POU6F2: variants seen among roughly 807,000 people sequenced by gnomAD.
POU6F2 encodes POU domain, class 6, transcription factor 2.
Under a neutral mutation model 71.3 loss-of-function variants are expected in POU6F2, and 31 were observed. The observed-to-expected ratio is 0.43, with a 90% confidence interval of 0.33 to 0.59. POU6F2 has a LOEUF of 0.59. POU6F2 is among the 20% of genes least tolerant of loss of function. The pLI is 0.04. For synonymous variants in POU6F2, 347 were observed against 355.7 expected, an observed-to-expected ratio of 0.98 and a Z score of 0.27; for missense variants, 783 against 856.8, an observed-to-expected ratio of 0.91 and a Z score of 1.07.
intron 4 of POU6F2, among the ~76,000 whole-genome samples, chr7:39,303,011 G>A (rs1045878934): frequency 3.9e-5 from 6 of 152,196 alleles, no homozygotes; most frequent in Admixed American, 2.0e-4. Flanking sequence ...TTTCTACTAA[G>A]TTCCAAAGTG....
At chr7:39,154,817 G>A (rs10273694) in intron 2 of POU6F2, among the ~76,000 whole-genome samples, 37,586 of 152,006 alleles carry the variant, frequency 0.25, 4,855 homozygotes, top group South Asian at 0.36. Flanking sequence ...CTTTCCCTTT[G>A]TTTACTGTGA....
At chr7:39,009,917 C>T (rs1297341240) in intron 1 of POU6F2, among the ~76,000 whole-genome samples, 1 of 151,602 alleles carries the variant, frequency 6.6e-6, no homozygotes, top group African/African-American at 2.4e-5. Flanking sequence ...CTGCTGGATT[C>T]GGTTTGCCAG....
Position 39,207,565 on chromosome 7 carries a change from G to A in POU6F2, c.543G>A (p.Leu181=), listed in dbSNP as rs778339901. The change falls in exon 4 of 10, where the codon CTG becomes CTA. Residue 181 remains leucine (L), a synonymous_variant. Coordinates refer to ENST00000518318, the MANE Select transcript of POU6F2 (RefSeq NM_001370959.1). ...PTANLTNIQG[L]VAAAAAGGIM... is the part of the protein sequence containing the mutation. ...CGAATCTCACCAACATCCAAGGGCT[G>A]GTGGCAGCAGCTGCAGCCGGAGGCA... 5.0e-6 allele frequency: 8 copies of A among 1,613,906 alleles called. No homozygotes were observed. The African/African-American group carries it at 8.0e-5, about 16-fold the overall frequency.
intron 6 of POU6F2, among the ~76,000 whole-genome samples, chr7:39,419,046 TGTATAC>T (rs1424719633): frequency 1.4e-5 from 2 of 144,624 alleles, no homozygotes; most frequent in Non-Finnish European, 3.0e-5. Context: ...TACATATATA[TGTATAC>T]ACATATATAC....
intron 1 of POU6F2, chr7:39,034,572 A>C (rs931095518): frequency 1.2e-5 from 4 of 342,958 alleles, no homozygotes; most frequent in Non-Finnish European, 1.9e-5. Flanking sequence ...TTGATGCTGC[A>C]GAAGGTCACT....
intron 4 of POU6F2, among the ~76,000 whole-genome samples, chr7:39,244,224 G>A (rs1488782919): frequency 6.6e-6 from 1 of 152,176 alleles, no homozygotes; most frequent in East Asian, 1.9e-4. Context: ...AGATTGTGAT[G>A]TCTTTCTGAG....
chr7:39,087,159 AATTTATTTATTTATTTATTTATTT>A (rs35190834), intron 2 of POU6F2, among the ~76,000 whole-genome samples: 5,774 of 125,704 alleles, frequency 0.046, 159 homozygotes, highest in Middle Eastern at 0.1. Flanking sequence ...TTAATTAATT[AATTTATTTATTTATTTATTTATTT>A]ATTTATTTAT....
At chr7:39,388,369 G>T (rs2115823412) in intron 5 of POU6F2, among the ~76,000 whole-genome samples, 1 of 152,218 alleles carries the variant, frequency 6.6e-6, no homozygotes, top group African/African-American at 2.4e-5. Flanking sequence ...AGGCTGGAGT[G>T]CAATGACACA....
At chr7:39,192,070 A>C (rs956844324) in intron 2 of POU6F2, among the ~76,000 whole-genome samples, 1 of 152,174 alleles carries the variant, frequency 6.6e-6, no homozygotes, top group Non-Finnish European at 1.5e-5. Flanking sequence ...GCTTGTAGTG[A>C]GTTGTGCGAC....
At chr7:39,106,519 T>C (rs1791690948) in intron 2 of POU6F2, among the ~76,000 whole-genome samples, 1 of 152,248 alleles carries the variant, frequency 6.6e-6, no homozygotes, top group Non-Finnish European at 1.5e-5. Context: ...ATTTTTTCTA[T>C]GCAGACATAT....
chr7:39,387,057 G>A (rs1025451546), intron 5 of POU6F2, among the ~76,000 whole-genome samples: 29 of 152,186 alleles, frequency 1.9e-4, no homozygotes, highest in African/African-American at 7.0e-4. Context: ...GGGACCCTGT[G>A]GTAGGTTGAA....
At chr7:39,012,302 C>T (rs1019990902) in intron 1 of POU6F2, among the ~76,000 whole-genome samples, 10 of 152,134 alleles carry the variant, frequency 6.6e-5, no homozygotes, top group African/African-American at 2.4e-4. Context: ...ACCCTTTCTT[C>T]CAGTTGATCA....
At chr7:39,233,847 G>A (rs559054335) in intron 4 of POU6F2, among the ~76,000 whole-genome samples, 110 of 152,296 alleles carry the variant, frequency 7.2e-4, no homozygotes, top group Middle Eastern at 3.4e-3. Context: ...ATCCATCTGC[G>A]TGGTTGTCCT....
intron 5 of POU6F2, among the ~76,000 whole-genome samples, chr7:39,376,429 C>G (rs1583559877): frequency 6.6e-6 from 1 of 152,106 alleles, no homozygotes; most frequent in Non-Finnish European, 1.5e-5. Context: ...GAGAGGAGCA[C>G]TGAGGCTAGG....
intron 2 of POU6F2, among the ~76,000 whole-genome samples, chr7:39,136,946 TC>T (rs1792400172): frequency 7.1e-6 from 1 of 141,836 alleles, no homozygotes; most frequent in East Asian, 2.1e-4. Context: ...GCCCAGGAGG[TC>T]AAGGCTGCAG....
At chr7:39,105,981 T>G (rs1004562936) in intron 2 of POU6F2, among the ~76,000 whole-genome samples, 1 of 152,122 alleles carries the variant, frequency 6.6e-6, no homozygotes. Flanking sequence ...TTAAGCTCAG[T>G]GCTTGTAACC....
intron 4 of POU6F2, among the ~76,000 whole-genome samples, chr7:39,307,949 C>T (rs1002119419): frequency 3.4e-5 from 5 of 149,248 alleles, no homozygotes; most frequent in Admixed American, 6.7e-5. Context: ...AGCAAGATTC[C>T]GTTTCAAAAA....
At chr7:39,302,908 A>G (rs1784976659) in intron 4 of POU6F2, among the ~76,000 whole-genome samples, 1 of 152,242 alleles carries the variant, frequency 6.6e-6, no homozygotes, top group Non-Finnish European at 1.5e-5. Context: ...TTGAATGTGC[A>G]TCAGAATCAC....
intron 2 of POU6F2, among the ~76,000 whole-genome samples, chr7:39,104,516 G>C (rs950412510): frequency 1.3e-5 from 2 of 152,202 alleles, no homozygotes; most frequent in East Asian, 3.9e-4. Context: ...TCACAATATG[G>C]TGGCTGGGTT....
Sources: allele counts gnomAD v4.1 joint callset (sites outside exome capture counted in the v4.1 genomes callset), GRCh38; gene constraint gnomAD v4.1.1; transcripts MANE v1.5; gene names NCBI Gene and HGNC (gene_info 2026-07-23, HGNC 2026-07-21).